Variants in LRBA observed in about 807,000 individuals in gnomAD.
LRBA encodes lipopolysaccharide-responsive and beige-like anchor protein.
A neutral mutation model predicts 330.0 loss-of-function variants in LRBA; 176 were observed. The ratio of observed to expected loss-of-function variants is 0.53; its 90% CI spans 0.47 to 0.60. The LOEUF (loss-of-function observed/expected upper bound fraction) is 0.60, where lower values mean the gene tolerates loss of function less well. Among genes scored for constraint, LRBA ranks in the 20% least tolerant of loss-of-function variants. The pLI, the probability that LRBA is intolerant of heterozygous loss-of-function variation, is 0.00. For missense variants in LRBA, 3,259 were observed against 3,444.8 expected (o/e 0.95, Z 1.35); for synonymous variants, 1,230 against 1,193.0 (o/e 1.03, Z -0.64).
chr4:150,848,989 C>T lies in LRBA; in HGVS notation c.4168G>A (p.Glu1390Lys). Reference protein sequence around the residue: ...SAATSATHELENIEPTQGLSI... With the variant: ...SAATSATHELKNIEPTQGLSI... ...AGGCCTTGAGTAGGTTCAATATTTT[C>T]CAGTTCATGCTGTAAAGAATAAAGT... is the stretch of plus-strand genomic sequence containing the variant. The change falls in exon 26 of 57, where the codon GAA (glutamate) becomes AAA (lysine). Residue 1390 changes from glutamate to lysine, a missense_variant. Glu to Lys is a moderately conservative substitution (Grantham distance 56). Coordinates refer to ENST00000651943, the MANE Select transcript of LRBA (RefSeq NM_001364905.1). 1 of 1,587,086 alleles carries T rather than the reference C, an allele frequency of 6.3e-7. No homozygotes were observed. Among genetic ancestry groups the T allele is most frequent in the South Asian group, 1.2e-5 (1 of 84,822 alleles).
chr4:150,998,022 A>T (rs895243072), intron 2 of LRBA, among the ~76,000 whole-genome samples: 7 of 152,034 alleles, frequency 4.6e-5, no homozygotes, highest in Admixed American at 1.3e-4. Context: ...TATAATTGTA[A>T]AAGCTATGAA....
intron 41 of LRBA, among the ~76,000 whole-genome samples, 196 bp from the exon 42 acceptor site, chr4:150,488,030 C>A (rs1187426551): frequency 2.0e-5 from 3 of 151,398 alleles, no homozygotes; most frequent in Non-Finnish European, 4.4e-5. Flanking sequence ...CTTATAAATT[C>A]TTTTACCATA....
At chr4:150,864,007 C>T (rs1439537019) in intron 22 of LRBA, among the ~76,000 whole-genome samples, 3 of 151,966 alleles carry the variant, frequency 2.0e-5, no homozygotes, top group South Asian at 2.1e-4. Flanking sequence ...GGTACGATCT[C>T]GGCTCACTGC....
intron 35 of LRBA, among the ~76,000 whole-genome samples, chr4:150,754,496 G>A (rs1734002903): frequency 7.2e-6 from 1 of 138,886 alleles, no homozygotes. Context: ...TGCAGCCTGG[G>A]TGACAGAACA....
At chr4:150,988,761 T>G (rs1741742002) in intron 2 of LRBA, among the ~76,000 whole-genome samples, 1 of 152,064 alleles carries the variant, frequency 6.6e-6, no homozygotes. Context: ...GTATTTTCAG[T>G]AGAGACAGGG....
chr4:150,431,964 T>C (rs1581289039), intron 46 of LRBA, among the ~76,000 whole-genome samples: 1 of 152,286 alleles, frequency 6.6e-6, no homozygotes, highest in East Asian at 1.9e-4. Context: ...AGAATTAACA[T>C]TTTAACCTTC....
intron 7 of LRBA, 76 bp downstream of exon 7, chr4:150,916,325 G>T: frequency 7.2e-7 from 1 of 1,395,300 alleles, no homozygotes; most frequent in Non-Finnish European, 9.8e-7. Context: ...GTTATTATAT[G>T]AATAACATTA....
At chr4:150,879,345 C>G (rs1728110867) in intron 17 of LRBA, among the ~76,000 whole-genome samples, 1 of 152,060 alleles carries the variant, frequency 6.6e-6, no homozygotes, top group Admixed American at 6.6e-5. Context: ...CCTCAAGAAA[C>G]CAGGCATAGA....
intron 47 of LRBA, among the ~76,000 whole-genome samples, chr4:150,398,554 C>A (rs1280341994): frequency 6.6e-6 from 1 of 151,832 alleles, no homozygotes; most frequent in Non-Finnish European, 1.5e-5. Flanking sequence ...ATAGAGGAAA[C>A]TATTAATTAA....
At chr4:150,386,741 T>C (rs1189323350) in intron 47 of LRBA, among the ~76,000 whole-genome samples, 1 of 152,218 alleles carries the variant, frequency 6.6e-6, no homozygotes, top group Non-Finnish European at 1.5e-5. Context: ...TGCAGACGTA[T>C]ATTTATAATA....
chr4:150,456,602 A>G (rs981130874), intron 44 of LRBA, among the ~76,000 whole-genome samples: 2 of 152,116 alleles, frequency 1.3e-5, no homozygotes, highest in East Asian at 1.9e-4. Context: ...TGGTTTGCTA[A>G]TATTTTCTCC....
intron 2 of LRBA, chr4:150,970,544 TGTGTGTGTGTGTAC>T (rs1190499173): frequency 9.5e-5 from 4 of 42,298 alleles, no homozygotes; most frequent in African/African-American, 1.7e-4. Flanking sequence ...TGTGTGTGTG[TGTGTGTGTGTGTAC>T]ACACACACAC....
chr4:150,415,245 T>C (rs1747568127), intron 47 of LRBA, among the ~76,000 whole-genome samples, 193 bp downstream of exon 47: 1 of 152,212 alleles, frequency 6.6e-6, no homozygotes, highest in Non-Finnish European at 1.5e-5. Context: ...AAAGAAACTA[T>C]TACTTTATAT....
At chr4:150,720,358 G>T (rs976922563) in intron 36 of LRBA, among the ~76,000 whole-genome samples, 3 of 151,852 alleles carry the variant, frequency 2.0e-5, no homozygotes, top group African/African-American at 7.3e-5. Context: ...TTTTTCTAAT[G>T]AACAACATAA....
intron 34 of LRBA, among the ~76,000 whole-genome samples, chr4:150,762,768 C>CT (rs1279445169): frequency 1.3e-5 from 2 of 151,860 alleles, no homozygotes; most frequent in Admixed American, 6.6e-5. Flanking sequence ...CTCAACTGAT[C>CT]TTTTTTTGTT....
intron 36 of LRBA, among the ~76,000 whole-genome samples, chr4:150,701,528 A>C (rs1785120668): frequency 6.6e-6 from 1 of 152,224 alleles, no homozygotes; most frequent in African/African-American, 2.4e-5. Flanking sequence ...AGTAGGCAAC[A>C]GGAGTTTTTC....
At chr4:150,575,579 CAT>C (rs557343818) in intron 40 of LRBA, among the ~76,000 whole-genome samples, 74 of 151,982 alleles carry the variant, frequency 4.9e-4, no homozygotes, top group African/African-American at 1.7e-3. Context: ...TAATTTTAAA[CAT>C]AGACCCACAA....
chr4:150,609,218 G>A (rs116090875), intron 37 of LRBA, among the ~76,000 whole-genome samples: 48 of 152,310 alleles, frequency 3.2e-4, no homozygotes, highest in African/African-American at 7.2e-4. Flanking sequence ...TCTCAGCAGC[G>A]ATTGGTTCAG....
At chr4:150,922,533 T>C (rs1235570507) in intron 4 of LRBA, among the ~76,000 whole-genome samples, 1 of 151,878 alleles carries the variant, frequency 6.6e-6, no homozygotes. Context: ...AACCAAACAG[T>C]GTATGTTCTC....
Sources: allele counts gnomAD v4.1 joint callset (sites outside exome capture counted in the v4.1 genomes callset), GRCh38; gene constraint gnomAD v4.1.1; transcripts MANE v1.5; gene names NCBI Gene and HGNC (gene_info 2026-07-23, HGNC 2026-07-21).